The following ANO10 variants were observed in gnomAD, a reference collection of about 807,000 sequenced individuals.
The protein encoded by ANO10 is anoctamin 10.
Under a neutral mutation model 74.7 loss-of-function variants are expected in ANO10, and 77 were observed. The observed-to-expected ratio is 1.03, with a 90% CI of 0.86 to 1.25. ANO10 has a LOEUF of 1.25. Among genes scored for constraint, ANO10 ranks in the 50% most tolerant of loss-of-function variants. The pLI is 0.00. For missense variants in ANO10, 721 were observed against 778.1 expected (o/e 0.93, Z 0.87); for synonymous variants, 279 against 284.9 (o/e 0.98, Z 0.21).
At chr3:43,420,357 G>A (rs1217056435) in intron 12 of ANO10, among the ~76,000 whole-genome samples, 1 of 152,078 alleles carries the variant, frequency 6.6e-6, no homozygotes, top group Non-Finnish European at 1.5e-5. Context: ...GAGGTGTGAG[G>A]ATAGCTTGAG....
chr3:43,612,906 G>A (rs1177736133), intron 1 of ANO10, among the ~76,000 whole-genome samples: 3 of 152,164 alleles, frequency 2.0e-5, no homozygotes, highest in Admixed American at 1.3e-4. Flanking sequence ...GGTGGCTCAC[G>A]CCTATAATCC....
intron 11 of ANO10, among the ~76,000 whole-genome samples, chr3:43,487,160 G>A (rs1280688951): frequency 6.6e-6 from 1 of 150,492 alleles, no homozygotes. Context: ...AAGCCCACTT[G>A]ATCACGGTGG....
At chr3:43,634,480 T>C (rs1443716871) in intron 1 of ANO10, among the ~76,000 whole-genome samples, 3 of 152,164 alleles carry the variant, frequency 2.0e-5, no homozygotes, top group Non-Finnish European at 2.9e-5. Context: ...TATATAAATG[T>C]TACATATGAT....
chr3:43,535,566 G>T (rs138771233), intron 11 of ANO10, among the ~76,000 whole-genome samples: 43 of 152,220 alleles, frequency 2.8e-4, no homozygotes, highest in African/African-American at 9.9e-4. Context: ...GAGCCACAGC[G>T]CCTGGCCTCC....
chr3:43,554,204 C>CT (rs1199438439), intron 10 of ANO10, among the ~76,000 whole-genome samples: 1 of 78,542 alleles, frequency 1.3e-5, no homozygotes, highest in South Asian at 4.7e-4. Context: ...TTTTTTTTTT[C>CT]TTTTTTTGAG....
rs561357404 is a variant in ANO10 at position 43,690,925 on chromosome 3, C to G, written c.-12+592G>C. ...TGCGCCGCCTTAAGTGCCGCGCCAG[C>G]CCGGGGCGGCCCAGTCGGCCTGTCA... On this transcript the variant is annotated intron_variant, in intron 1 of 3. Coordinates refer to the ANO10 transcript ENST00000413397. 288 of 1,505,546 alleles carry G rather than the reference C, an allele frequency of 1.9e-4. 1 individual carries two copies. In the African/African-American group the frequency reaches 3.0e-3, roughly 16 times the overall value. 93.3% of individuals were successfully genotyped at this position (1,505,546 alleles called of 1,614,324 possible).
In ANO10 at chr3:43,468,677, C is replaced by T. The variant is rs1199354173; in HGVS notation, c.1798-35950G>A. ...GTGGTGGTGGTAACTCAAATCTCTTCCCTAAACATCTCAGTGGGTTTTCTT... is the reference window on the plus strand; with the variant it reads ...GTGGTGGTGGTAACTCAAATCTCTTTCCTAAACATCTCAGTGGGTTTTCTT... On this transcript the variant is annotated intron_variant, in intron 11 of 12. Transcript: ENST00000292246. Among the ~76,000 whole-genome samples the T allele has an allele frequency of 3.9e-5, 6 of 152,080 alleles. No individual in the cohort carries two copies. The South Asian group carries it at 1.2e-3, about 32-fold the overall frequency.
intron 11 of ANO10, among the ~76,000 whole-genome samples, chr3:43,488,680 G>C (rs2076597777): frequency 6.7e-6 from 1 of 150,358 alleles, no homozygotes; most frequent in Non-Finnish European, 1.5e-5. Flanking sequence ...ACAGGTGCTG[G>C]AGAGGATGTG....
At chr3:43,628,978 T>A (rs1452626122) in intron 1 of ANO10, among the ~76,000 whole-genome samples, 3 of 152,212 alleles carry the variant, frequency 2.0e-5, no homozygotes, top group African/African-American at 7.2e-5. Flanking sequence ...CATATTCTAT[T>A]ACCTTGTGAA....
At chr3:43,504,012 C>T (rs2077192855) in intron 11 of ANO10, among the ~76,000 whole-genome samples, 1 of 151,870 alleles carries the variant, frequency 6.6e-6, no homozygotes, top group African/African-American at 2.4e-5. Flanking sequence ...ACCTATAATC[C>T]TAGCATTTTG....
At chr3:43,639,753 C>T (rs567242735) in intron 1 of ANO10, among the ~76,000 whole-genome samples, 3 of 146,960 alleles carry the variant, frequency 2.0e-5, no homozygotes, top group Admixed American at 6.9e-5. Flanking sequence ...TCCAGCCTGG[C>T]GACAGAGTAA....
intron 9 of ANO10, among the ~76,000 whole-genome samples, chr3:43,558,753 T>C (rs921669078): frequency 6.6e-6 from 1 of 152,096 alleles, no homozygotes. Flanking sequence ...GAAACAATCA[T>C]CTAGAATAAA....
intron 4 of ANO10, among the ~76,000 whole-genome samples, chr3:43,593,512 CT>C (rs1433060876): frequency 6.6e-6 from 1 of 152,166 alleles, no homozygotes; most frequent in Non-Finnish European, 1.5e-5. Flanking sequence ...ACAAACTAAG[CT>C]TCATAAGTGA....
At position 43,492,236 on chromosome 3, in the gene ANO10, T is replaced by G. The variant is rs1018632125; in HGVS notation, c.1797+57484A>C. On this transcript the variant is annotated intron_variant, in intron 11 of 12. Coordinates refer to ENST00000292246, the MANE Select transcript of ANO10 (RefSeq NM_018075.5). ...TGGTGTTGGGAAAACTGGCTAGCCATATGAAGAAAACTGAAACTGGACCCC... is the reference window on the plus strand; with the variant it reads ...TGGTGTTGGGAAAACTGGCTAGCCAGATGAAGAAAACTGAAACTGGACCCC... 6.3e-4 allele frequency among the ~76,000 whole-genome samples: 96 copies of G among 152,036 alleles called. 1 individual carries two copies. The highest frequency in any genetic ancestry group is 1.2e-4 in the Non-Finnish European group (8 of 68,008).
At chr3:43,503,035 A>G (rs2077156287) in intron 11 of ANO10, among the ~76,000 whole-genome samples, 1 of 152,218 alleles carries the variant, frequency 6.6e-6, no homozygotes, top group Non-Finnish European at 1.5e-5. Flanking sequence ...TTATAAATGT[A>G]TTTAATACCA....
At position 43,483,254 on chromosome 3, in the gene ANO10, C is replaced by T. The variant is rs142841719; in HGVS notation, c.1798-50527G>A. 1.1e-3 allele frequency among the ~76,000 whole-genome samples: 168 copies of T among 152,324 alleles called. 2 individuals are homozygous for T. In the East Asian group the frequency reaches 0.027, roughly 25 times the overall value. ...TAACTCTAGCAAGAGTAAAAAAGAT[C>T]TGCTTCCAGCCCTTAAACCTTTTAC... On this transcript the variant is annotated intron_variant, in intron 11 of 12. Transcript: ENST00000292246.
intron 4 of ANO10, among the ~76,000 whole-genome samples, chr3:43,588,936 G>C (rs1162381607): frequency 6.6e-6 from 1 of 152,124 alleles, no homozygotes; most frequent in African/African-American, 2.4e-5. Flanking sequence ...GAGATCTAGA[G>C]CTATGATGGA....
At chr3:43,664,776 A>G (rs2083968071) in intron 1 of ANO10, among the ~76,000 whole-genome samples, 1 of 152,228 alleles carries the variant, frequency 6.6e-6, no homozygotes, top group African/African-American at 2.4e-5. Context: ...CATATGAAAA[A>G]ATGCTAATCA....
intron 1 of ANO10, among the ~76,000 whole-genome samples, chr3:43,666,919 T>C (rs2083998826): frequency 6.6e-6 from 1 of 152,104 alleles, no homozygotes; most frequent in African/African-American, 2.4e-5. Flanking sequence ...ATTTGATTAA[T>C]GTTAGCATGG....
Sources: allele counts gnomAD v4.1 joint callset (sites outside exome capture counted in the v4.1 genomes callset), GRCh38; gene constraint gnomAD v4.1.1; transcripts MANE v1.5; gene names NCBI Gene and HGNC (gene_info 2026-07-23, HGNC 2026-07-21).